The following ANKFN1 variants were observed in gnomAD, a reference collection of about 807,000 sequenced individuals.
ANKFN1 encodes the protein ankyrin repeat and fibronectin type-III domain-containing protein 1.
A neutral mutation model predicts 108.7 loss-of-function variants in ANKFN1; 74 were observed. The observed-to-expected ratio is 0.68, with a 90% CI of 0.56 to 0.83. The LOEUF (loss-of-function observed/expected upper bound fraction) is 0.83. Ranked by LOEUF, ANKFN1 falls within the 40% of genes least tolerant of loss-of-function variation. The probability of loss-of-function intolerance (pLI) is 0.00; values close to 1 mark genes in which losing one functional copy is unlikely to be tolerated. For synonymous variants in ANKFN1, 547 were observed against 516.2 expected (o/e 1.06, Z -0.81); for missense variants, 1,505 against 1,382.3 (o/e 1.09, Z -1.41).
chr17:56,399,879 C>A (rs1309420892), intron 8 of ANKFN1, among the ~76,000 whole-genome samples: 3 of 138,806 alleles, frequency 2.2e-5, no homozygotes, highest in Non-Finnish European at 4.7e-5. Flanking sequence ...ATGTATCATT[C>A]CTTTTTATGG....
intron 3 of ANKFN1, among the ~76,000 whole-genome samples, chr17:56,322,546 T>G (rs1328991367): frequency 2.6e-5 from 4 of 152,190 alleles, no homozygotes; most frequent in Non-Finnish European, 4.4e-5. Flanking sequence ...TGCTTACTTT[T>G]TGAGACCAAT....
At chr17:56,411,943 A>G (rs1050715944) in intron 8 of ANKFN1, among the ~76,000 whole-genome samples, 2 of 152,138 alleles carry the variant, frequency 1.3e-5, no homozygotes, top group African/African-American at 4.8e-5. Context: ...ATTGGCCTGT[A>G]GATTTCTTTT....
At chr17:56,464,776 A>G (rs984650043) in intron 14 of ANKFN1, among the ~76,000 whole-genome samples, 2 of 152,216 alleles carry the variant, frequency 1.3e-5, no homozygotes, top group African/African-American at 2.4e-5. Context: ...AAAGATTAGC[A>G]TAACAGCTGT....
chr17:56,319,335 T>A (rs979857516), intron 3 of ANKFN1, among the ~76,000 whole-genome samples: 3 of 152,222 alleles, frequency 2.0e-5, no homozygotes, highest in African/African-American at 7.2e-5. Flanking sequence ...AACATTGGTT[T>A]ATGAGTTATC....
intron 3 of ANKFN1, among the ~76,000 whole-genome samples, chr17:56,241,508 A>G (rs535689593): frequency 2.0e-5 from 3 of 152,052 alleles, no homozygotes; most frequent in Non-Finnish European, 4.4e-5. Context: ...CAAATAGTCT[A>G]TTGATCATTG....
chr17:56,392,496 A>G (rs986328806), intron 8 of ANKFN1, among the ~76,000 whole-genome samples: 9 of 152,162 alleles, frequency 5.9e-5, no homozygotes, highest in Non-Finnish European at 1.5e-5. Context: ...ACTTCCCAGT[A>G]GGGCAGATTT....
At chr17:56,117,625 A>C (rs1392005039) in intron 4 of ANKFN1, among the ~76,000 whole-genome samples, 3 of 152,184 alleles carry the variant, frequency 2.0e-5, no homozygotes, top group African/African-American at 7.2e-5. Flanking sequence ...CACAGGAGAT[A>C]GCCAAGACGA....
intron 19 of ANKFN1, among the ~76,000 whole-genome samples, chr17:56,493,385 G>T (rs2051100755): frequency 6.6e-6 from 1 of 152,178 alleles, no homozygotes; most frequent in Non-Finnish European, 1.5e-5. Context: ...GGATAGGTTA[G>T]ATTACAGTAA....
At chr17:56,208,573 C>A (rs1914719226) in intron 1 of ANKFN1, among the ~76,000 whole-genome samples, 2 of 152,290 alleles carry the variant, frequency 1.3e-5, no homozygotes, top group South Asian at 4.1e-4. Context: ...TAGAAGATTA[C>A]CTGCATGCAG....
intron 4 of ANKFN1, among the ~76,000 whole-genome samples, chr17:56,331,250 A>G (rs1050389176): frequency 2.6e-5 from 4 of 152,298 alleles, no homozygotes; most frequent in Admixed American, 2.0e-4. Context: ...GAAAGTTGCC[A>G]TAAGTTCTAT....
At chr17:56,490,622 T>C (rs1169409572) in intron 18 of ANKFN1, among the ~76,000 whole-genome samples, 1 of 152,100 alleles carries the variant, frequency 6.6e-6, no homozygotes, top group Non-Finnish European at 1.5e-5. Flanking sequence ...AGGGAAATAG[T>C]ATGAGAATTC....
intron 4 of ANKFN1, among the ~76,000 whole-genome samples, chr17:56,136,478 C>T (rs1567799610): frequency 6.6e-6 from 1 of 152,262 alleles, no homozygotes; most frequent in African/African-American, 2.4e-5. Flanking sequence ...GTCACAAAGA[C>T]TGGGAAGAAT....
At chr17:56,274,506 G>A (rs1266219163) in intron 3 of ANKFN1, among the ~76,000 whole-genome samples, 1 of 152,100 alleles carries the variant, frequency 6.6e-6, no homozygotes, top group Non-Finnish European at 1.5e-5. Flanking sequence ...TCTACTATAG[G>A]CAGAAGCTCT....
intron 14 of ANKFN1, chr17:56,463,782 G>A (rs894941714): frequency 3.3e-5 from 5 of 152,148 alleles, no homozygotes; most frequent in Middle Eastern, 3.2e-3. Context: ...CATTTGTTAA[G>A]GGGAGAAAAG....
intron 1 of ANKFN1, chr17:56,174,489 C>T (rs1910950496): frequency 2.3e-6 from 2 of 872,630 alleles, no homozygotes; most frequent in Non-Finnish European, 2.7e-6. Flanking sequence ...ACTTGTGCTC[C>T]CCCTCCATGG....
chr17:56,295,098 C>T (rs941991162), intron 3 of ANKFN1, among the ~76,000 whole-genome samples: 10 of 152,232 alleles, frequency 6.6e-5, no homozygotes, highest in Non-Finnish European at 1.2e-4. Context: ...TTGGAAAACA[C>T]TGGGTTTCCT....
intron 8 of ANKFN1, among the ~76,000 whole-genome samples, chr17:56,386,416 A>G (rs1367976189): frequency 1.3e-5 from 2 of 152,056 alleles, no homozygotes; most frequent in Non-Finnish European, 2.9e-5. Context: ...GCACATGTAT[A>G]CATATGTAAC....
chr17:56,287,657 T>C (rs2044253232), intron 3 of ANKFN1, among the ~76,000 whole-genome samples: 1 of 152,308 alleles, frequency 6.6e-6, no homozygotes, highest in African/African-American at 2.4e-5. Context: ...GTGGGAACGA[T>C]CCTCAAATCA....
At chr17:56,247,206 G>A (rs1918021749) in intron 3 of ANKFN1, among the ~76,000 whole-genome samples, 1 of 152,196 alleles carries the variant, frequency 6.6e-6, no homozygotes, top group African/African-American at 2.4e-5. Flanking sequence ...AATCTGATTG[G>A]CAAGCAGCAC....
Sources: gnomAD v4.1 joint callset for allele counts (sites outside exome capture counted in the v4.1 genomes callset) on GRCh38, gnomAD v4.1.1 for gene constraint, MANE v1.5 for transcripts, NCBI Gene and HGNC (gene_info 2026-07-23, HGNC 2026-07-21) for gene names.